FRMD4A: variants seen among roughly 807,000 people sequenced by gnomAD.
FRMD4A encodes FERM domain-containing protein 4A.
In FRMD4A, 29 loss-of-function variants were observed where a neutral mutation model predicts 129.1. The observed-to-expected ratio is 0.22, with a 90% CI of 0.17 to 0.31. FRMD4A has a LOEUF of 0.31. Ranked by LOEUF, FRMD4A falls within the 10% of genes least tolerant of loss-of-function variation. FRMD4A has a pLI of 1.00. For missense variants in FRMD4A, 1,272 were observed against 1,375.8 expected (o/e 0.92, Z 1.19); for synonymous variants, 634 against 571.6 (o/e 1.11, Z -1.56).
chr10:13,790,164 C>T (rs545128047), intron 5 of FRMD4A, among the ~76,000 whole-genome samples: 4 of 130,470 alleles, frequency 3.1e-5, no homozygotes, highest in South Asian at 2.8e-4. Flanking sequence ...CGGGAGGGAG[C>T]GGTGAGGTCA....
intron 2 of FRMD4A, among the ~76,000 whole-genome samples, chr10:13,922,888 C>G (rs1275860679): frequency 6.6e-6 from 1 of 152,114 alleles, no homozygotes; most frequent in Non-Finnish European, 1.5e-5. Context: ...TAATTGTCTG[C>G]AATAAATAGA....
intron 2 of FRMD4A, among the ~76,000 whole-genome samples, chr10:14,174,529 T>TGTTC (rs1207984685): frequency 6.7e-5 from 8 of 118,902 alleles, no homozygotes; most frequent in East Asian, 2.3e-4. Flanking sequence ...CTGTTGCGTT[T>TGTTC]GTTCGTTCAT....
chr10:14,320,642 T>C (rs1324742887), intron 2 of FRMD4A, among the ~76,000 whole-genome samples: 1 of 152,258 alleles, frequency 6.6e-6, no homozygotes, highest in Non-Finnish European at 1.5e-5. Flanking sequence ...TTTCTCAACA[T>C]GCAGTGTGAC....
chr10:14,254,714 T>C (rs889546131), intron 2 of FRMD4A, among the ~76,000 whole-genome samples: 1 of 151,834 alleles, frequency 6.6e-6, no homozygotes, highest in Non-Finnish European at 1.5e-5. Flanking sequence ...AGTAATACAA[T>C]TTTCAAAGCA....
At chr10:14,206,891 C>T (rs1332651327) in intron 2 of FRMD4A, among the ~76,000 whole-genome samples, 1 of 151,102 alleles carries the variant, frequency 6.6e-6, no homozygotes, top group Non-Finnish European at 1.5e-5. Flanking sequence ...AGGCTCATGC[C>T]CCACTGATTG....
At chr10:13,822,501 C>A (rs1384836030) in intron 3 of FRMD4A, among the ~76,000 whole-genome samples, 1 of 152,170 alleles carries the variant, frequency 6.6e-6, no homozygotes, top group East Asian at 1.9e-4. Flanking sequence ...ACAGTAGGTG[C>A]CTAATGAAAG....
intron 6 of FRMD4A, among the ~76,000 whole-genome samples, chr10:13,769,611 C>T (rs558857307): frequency 1.1e-4 from 17 of 152,144 alleles, no homozygotes; most frequent in African/African-American, 3.6e-4. Flanking sequence ...TGTCCGGCCC[C>T]GAGTTGCCCA....
intron 2 of FRMD4A, among the ~76,000 whole-genome samples, chr10:13,944,238 G>C (rs2095315267): frequency 6.6e-6 from 1 of 152,018 alleles, no homozygotes; most frequent in Non-Finnish European, 1.5e-5. Context: ...TTACCACCTG[G>C]GCTCCACCTC....
At chr10:14,104,059 T>C (rs1313108974) in intron 2 of FRMD4A, among the ~76,000 whole-genome samples, 1 of 152,202 alleles carries the variant, frequency 6.6e-6, no homozygotes, top group Non-Finnish European at 1.5e-5. Context: ...TTCTCTCATT[T>C]TCCCCCCATG....
chr10:13,776,142 C>T (rs1248248020), intron 6 of FRMD4A, among the ~76,000 whole-genome samples: 1 of 152,058 alleles, frequency 6.6e-6, no homozygotes, highest in African/African-American at 2.4e-5. Flanking sequence ...TCGCTCTGTC[C>T]ACCGGGCTGG....
intron 3 of FRMD4A, among the ~76,000 whole-genome samples, chr10:13,829,849 C>A (rs1379738104): frequency 6.6e-6 from 1 of 152,226 alleles, no homozygotes; most frequent in African/African-American, 2.4e-5. Flanking sequence ...CTGCCTGACT[C>A]TTCTTGCCAT....
At chr10:13,726,969 C>T (rs1246180337) in intron 12 of FRMD4A, among the ~76,000 whole-genome samples, 5 of 152,088 alleles carry the variant, frequency 3.3e-5, no homozygotes, top group African/African-American at 1.2e-4. Context: ...GATGGCACGA[C>T]CTCGGCCACT....
intron 2 of FRMD4A, among the ~76,000 whole-genome samples, chr10:14,316,524 A>AAAAAG (rs556192567): frequency 0.33 from 43,076 of 129,478 alleles, 9,271 homozygotes; most frequent in Non-Finnish European, 0.47. Flanking sequence ...AAAAAAAAAA[A>AAAAAG]AAGAAGAAGA....
chr10:13,767,331 T>G (rs555452656), intron 6 of FRMD4A, among the ~76,000 whole-genome samples: 1 of 152,228 alleles, frequency 6.6e-6, no homozygotes, highest in South Asian at 2.1e-4. Context: ...CTCCGCCTTC[T>G]GGGTTCCAGC....
At chr10:14,176,235 C>T (rs1032701417) in intron 2 of FRMD4A, among the ~76,000 whole-genome samples, 3 of 152,226 alleles carry the variant, frequency 2.0e-5, no homozygotes, top group Admixed American at 6.5e-5. Flanking sequence ...TGATACAAAA[C>T]TCAACCAACT....
At chr10:13,815,507 T>C (rs976981147) in intron 3 of FRMD4A, among the ~76,000 whole-genome samples, 1 of 152,116 alleles carries the variant, frequency 6.6e-6, no homozygotes, top group Non-Finnish European at 1.5e-5. Context: ...ATGCATTTGA[T>C]GCCACTGAAT....
chr10:14,076,596 C>T (rs1468805035), intron 2 of FRMD4A, among the ~76,000 whole-genome samples: 2 of 151,698 alleles, frequency 1.3e-5, no homozygotes, highest in African/African-American at 4.8e-5. Flanking sequence ...GCTGAGATCA[C>T]GCCACTGCAC....
At chr10:14,030,884 C>T (rs1188456136) in intron 2 of FRMD4A, among the ~76,000 whole-genome samples, 1 of 152,168 alleles carries the variant, frequency 6.6e-6, no homozygotes, top group Admixed American at 6.5e-5. Flanking sequence ...TATTCCTCTG[C>T]ATCCATCTCC....
chr10:13,842,259 G>C (rs7073646), intron 3 of FRMD4A, among the ~76,000 whole-genome samples: 8 of 151,914 alleles, frequency 5.3e-5, no homozygotes, highest in African/African-American at 9.7e-5. Flanking sequence ...TCTGAGTGTC[G>C]TCTAGTCCAT....
Sources: allele counts gnomAD v4.1 joint callset (sites outside exome capture counted in the v4.1 genomes callset), GRCh38; gene constraint gnomAD v4.1.1; transcripts MANE v1.5; gene names NCBI Gene and HGNC (gene_info 2026-07-23, HGNC 2026-07-21).